OR56A3: variants seen among roughly 807,000 people sequenced by gnomAD.
OR56A3 encodes the protein olfactory receptor 56A3.
OR56A3 carries 23 observed loss-of-function variants against 17.5 expected under a neutral mutation model. The ratio of observed to expected loss-of-function variants is 1.32; its 90% CI spans 0.95 to 1.87. OR56A3 has a LOEUF of 1.87. Ranked by LOEUF, OR56A3 falls within the 40% of genes most tolerant of loss-of-function variation. OR56A3 has a pLI of 0.00. For synonymous variants in OR56A3, 175 were observed against 150.6 expected, an observed-to-expected ratio of 1.16 and a Z score of -1.19; for missense variants, 366 against 380.1, an observed-to-expected ratio of 0.96 and a Z score of 0.31.
the OR56A3 span, among the ~76,000 whole-genome samples, chr11:6,008,466 C>A: frequency 6.6e-6 from 1 of 151,992 alleles, no homozygotes; most frequent in Non-Finnish European, 1.5e-5. Flanking sequence ...ATATTCTTAT[C>A]CTCAGAATTT....
chr11:5,965,247 A>G, the OR56A3 span, among the ~76,000 whole-genome samples: 5 of 152,234 alleles, frequency 3.3e-5, no homozygotes, highest in Non-Finnish European at 1.5e-5. Flanking sequence ...GCTCTGGTTA[A>G]AAAATGTTTT....
chr11:5,990,236 G>T, the OR56A3 span, among the ~76,000 whole-genome samples: 1 of 152,158 alleles, frequency 6.6e-6, no homozygotes, highest in Non-Finnish European at 1.5e-5. Context: ...CATATTATTA[G>T]ATTAAAAAAT....
chr11:5,984,617 A>T, the OR56A3 span, among the ~76,000 whole-genome samples: 2 of 152,198 alleles, frequency 1.3e-5, no homozygotes, highest in African/African-American at 4.8e-5. Context: ...TAGACTGGGA[A>T]TGAAGCTGAT....
At chr11:6,012,545 G>A in the OR56A3 span, among the ~76,000 whole-genome samples, 35,489 of 151,876 alleles carry the variant, frequency 0.23, 4,883 homozygotes, top group African/African-American at 0.38. Context: ...AGTTCTTAGG[G>A]GAGAGGGTAG....
chr11:6,017,711 A>G, the OR56A3 span, among the ~76,000 whole-genome samples: 1 of 152,328 alleles, frequency 6.6e-6, no homozygotes, highest in South Asian at 2.1e-4. Context: ...ATAAGTTCTC[A>G]TCTGTCAGTA....
the OR56A3 span, among the ~76,000 whole-genome samples, chr11:5,966,471 T>C: frequency 3.3e-5 from 5 of 152,214 alleles, no homozygotes; most frequent in South Asian, 1.0e-3. Context: ...CATTCCGAAA[T>C]GATTCAAAAA....
the OR56A3 span, among the ~76,000 whole-genome samples, chr11:6,009,403 T>C: frequency 2.6e-5 from 4 of 152,228 alleles, no homozygotes; most frequent in Non-Finnish European, 4.4e-5. Flanking sequence ...CAAATATGTT[T>C]ATGTTTGATT....
the OR56A3 span, among the ~76,000 whole-genome samples, chr11:6,013,897 G>A: frequency 6.6e-6 from 1 of 152,144 alleles, no homozygotes; most frequent in African/African-American, 2.4e-5. Context: ...CATGCCACCT[G>A]GAAGCAGACG....
the OR56A3 span, among the ~76,000 whole-genome samples, chr11:5,976,018 G>A: frequency 4.6e-5 from 7 of 151,826 alleles, no homozygotes; most frequent in Non-Finnish European, 1.0e-4. Flanking sequence ...AAATAAATAT[G>A]TTTTTCAATT....
the OR56A3 span, among the ~76,000 whole-genome samples, chr11:5,995,161 C>A: frequency 6.6e-6 from 1 of 152,230 alleles, no homozygotes; most frequent in African/African-American, 2.4e-5. Flanking sequence ...GAAACTCCTG[C>A]TGTGCAGGTA....
chr11:6,009,862 T>C, the OR56A3 span, among the ~76,000 whole-genome samples: 3 of 152,194 alleles, frequency 2.0e-5, no homozygotes, highest in Non-Finnish European at 4.4e-5. Flanking sequence ...CAGTTCCATC[T>C]ATATTGAACC....
At chr11:5,989,664 C>G in the OR56A3 span, among the ~76,000 whole-genome samples, 1 of 152,050 alleles carries the variant, frequency 6.6e-6, no homozygotes, top group Non-Finnish European at 1.5e-5. Context: ...AAAAAAATCC[C>G]ATATTGGGCA....
the OR56A3 span, among the ~76,000 whole-genome samples, chr11:5,976,517 T>A: frequency 2.6e-5 from 4 of 152,208 alleles, no homozygotes; most frequent in African/African-American, 9.7e-5. Context: ...TATTTTACTA[T>A]CCTTCTAATA....
chr11:6,017,652 A>G, the OR56A3 span, among the ~76,000 whole-genome samples: 2 of 152,194 alleles, frequency 1.3e-5, no homozygotes, highest in Non-Finnish European at 2.9e-5. Flanking sequence ...CCAAAAAAGG[A>G]GGAAAGGATA....
the OR56A3 span, among the ~76,000 whole-genome samples, chr11:5,977,934 A>G: frequency 6.6e-6 from 1 of 152,144 alleles, no homozygotes. Context: ...TGGCAGCCAG[A>G]TATCCCAGCA....
chr11:5,975,607 T>C, the OR56A3 span, among the ~76,000 whole-genome samples: 2 of 152,248 alleles, frequency 1.3e-5, no homozygotes, highest in Admixed American at 1.3e-4. Flanking sequence ...CAGTCTATCA[T>C]TGTTGGACAT....
chr11:5,947,230 C>A, intron 2 of OR56A3, 81 bp from the exon 3 acceptor site: 1 of 973,834 alleles, frequency 1.0e-6, no homozygotes, highest in Non-Finnish European at 1.5e-6. Flanking sequence ...CTAGAAACCA[C>A]AAGTTGTACC....
the OR56A3 span, among the ~76,000 whole-genome samples, chr11:6,017,292 GAT>G: frequency 6.6e-6 from 1 of 152,128 alleles, no homozygotes; most frequent in African/African-American, 2.4e-5. Context: ...AAAAGATTTA[GAT>G]ATCTAGATAT....
chr11:5,976,841 G>A, the OR56A3 span, among the ~76,000 whole-genome samples: 5 of 152,136 alleles, frequency 3.3e-5, no homozygotes, highest in East Asian at 1.9e-4. Context: ...ATAGGACCCC[G>A]TAGATGGTTT....
Sources: gnomAD v4.1 joint callset for allele counts (sites outside exome capture counted in the v4.1 genomes callset) on GRCh38, gnomAD v4.1.1 for gene constraint, MANE v1.5 for transcripts, NCBI Gene and HGNC (gene_info 2026-07-23, HGNC 2026-07-21) for gene names.